PCDHA1: variants seen among roughly 807,000 people sequenced by gnomAD.
The protein encoded by PCDHA1 is protocadherin alpha 1.
PCDHA1 carries 42 observed loss-of-function variants against 61.3 expected under a neutral mutation model. The observed-to-expected ratio is 0.69, with a 90% CI of 0.54 to 0.89. PCDHA1 has a LOEUF of 0.89. Ranked by LOEUF, PCDHA1 falls within the 40% of genes least tolerant of loss-of-function variation. PCDHA1 has a pLI of 0.00. For synonymous variants in PCDHA1, 610 were observed against 553.8 expected, an observed-to-expected ratio of 1.10 and a Z score of -1.43; for missense variants, 1,256 against 1,235.3, an observed-to-expected ratio of 1.02 and a Z score of -0.25.
At chr5:141,002,733 G>T (rs556024108) in intron 3 of PCDHA1, among the ~76,000 whole-genome samples, 1 of 152,314 alleles carries the variant, frequency 6.6e-6, no homozygotes, top group Admixed American at 6.5e-5. Context: ...CACAGTAAAT[G>T]TTAACTACAT....
rs781960813 is a variant in PCDHA1 at position 140,883,266 on chromosome 5, A to C, written c.2394+94582A>C. On this transcript the variant is annotated intron_variant, in intron 1 of 3. Transcript: ENST00000504120. ...AAAGGAAATATTCCAATGGCGGGTCATTGTACCCTTTTGGTGGAAGTACTA... is the reference window on the plus strand; with the variant it reads ...AAAGGAAATATTCCAATGGCGGGTCCTTGTACCCTTTTGGTGGAAGTACTA... 2.7e-5 allele frequency: 43 copies of C among 1,614,082 alleles called. No individual in the cohort carries two copies. In the African/African-American group the frequency reaches 4.7e-4, roughly 18 times the overall value.
intron 1 of PCDHA1, among the ~76,000 whole-genome samples, chr5:140,913,656 T>A (rs2076420236): frequency 6.6e-6 from 1 of 152,152 alleles, no homozygotes; most frequent in African/African-American, 2.4e-5. Context: ...TTCTTTAAGA[T>A]GTATAGTTAG....
chr5:140,941,239 C>CTTTCTTTCTTTCTTTA (rs2092937531), intron 1 of PCDHA1, among the ~76,000 whole-genome samples: 1 of 134,502 alleles, frequency 7.4e-6, no homozygotes, highest in African/African-American at 2.9e-5. Context: ...TTCTTTCTTT[C>CTTTCTTTCTTTCTTTA]TTTCTTTCTT....
intron 1 of PCDHA1, chr5:140,807,658 C>G (rs782754560): frequency 8.7e-6 from 14 of 1,614,204 alleles, no homozygotes; most frequent in East Asian, 2.2e-5. Context: ...TAGAGGGCGC[C>G]TCGGATGCAG....
In PCDHA1 at chr5:140,876,565, G is replaced by C. The variant is rs371696514; in HGVS notation, c.2394+87881G>C. 63 of 1,614,064 alleles carry C rather than the reference G, an allele frequency of 3.9e-5. No homozygotes were observed. In the Middle Eastern group the frequency reaches 4.9e-4, roughly 13 times the overall value. On this transcript the variant is annotated intron_variant, in intron 1 of 3. Transcript: ENST00000504120. ...GCTCCCTGTGCAAGAGGATGCTCAG[G>C]TGGGTACCGTCATTGCCCTGATTAG...
intron 1 of PCDHA1, chr5:140,830,141 G>GC (rs1770847454): frequency 6.2e-7 from 1 of 1,613,282 alleles, no homozygotes; most frequent in East Asian, 2.2e-5. Flanking sequence ...ACGGGCGTCG[G>GC]TGGGCGCCGC....
intron 1 of PCDHA1, among the ~76,000 whole-genome samples, chr5:140,903,405 G>A (rs2070271184): frequency 6.6e-6 from 1 of 152,184 alleles, no homozygotes; most frequent in Non-Finnish European, 1.5e-5. Flanking sequence ...CAGTAGTGCA[G>A]TCAGGAAAAA....
At position 140,802,763 on chromosome 5, in the gene PCDHA1, G is replaced by T. The variant is rs146921578; in HGVS notation, c.2394+14079G>T. On this transcript the variant is annotated intron_variant, in intron 1 of 3. Transcript: ENST00000504120. The stretch of plus-strand genomic sequence containing the variant: ...GCGGCAAGGTGTACGCGCTGCAGCC[G>T]CTGGACCACGAGGAGCTAGAGCTGC... 3.1e-6 allele frequency: 5 copies of T among 1,612,770 alleles called. No individual in the cohort carries two copies. In the African/African-American group the frequency reaches 4.0e-5, roughly 13 times the overall value.
chr5:140,926,745 C>T (rs1344644551), intron 1 of PCDHA1: 3 of 1,219,360 alleles, frequency 2.5e-6, no homozygotes, highest in Non-Finnish European at 3.2e-6. Flanking sequence ...GGCGCAACGT[C>T]GGCGGTCGCT....
intron 1 of PCDHA1, among the ~76,000 whole-genome samples, chr5:140,933,677 T>G (rs1024721491): frequency 6.6e-6 from 1 of 151,826 alleles, no homozygotes; most frequent in African/African-American, 2.4e-5. Flanking sequence ...CTCTCTCACA[T>G]TTTTTTTCCT....
chr5:140,822,864 A>T lies in PCDHA1; in HGVS notation c.2394+34180A>T, dbSNP rs2150119903. ...TCCTGCCTGTCAAAGAGGACGCTCC[A>T]CTCAGCACGGTCATTGCTCTGATCA... is the stretch of plus-strand genomic sequence containing the variant. On this transcript the variant is annotated intron_variant, in intron 1 of 3. Transcript: ENST00000504120. The T allele has an allele frequency of 6.2e-6, 10 of 1,614,160 alleles. No homozygotes were observed. In the East Asian group the frequency reaches 1.6e-4, roughly 25 times the overall value.
chr5:140,869,837 C>A (rs374182289), intron 1 of PCDHA1: 48 of 1,611,366 alleles, frequency 3.0e-5, no homozygotes, highest in Non-Finnish European at 3.6e-5. Flanking sequence ...TTTGATAAAT[C>A]AGAATATAAG....
chr5:141,010,535 C>G lies in PCDHA1; in HGVS notation c.*598C>G, dbSNP rs1423355739. 1 of 386,620 alleles carries G rather than the reference C, an allele frequency of 2.6e-6. No homozygotes were observed. Among genetic ancestry groups the G allele is most frequent in the African/African-American group, 2.0e-5 (1 of 48,880 alleles). 23.9% of individuals were successfully genotyped at this position (386,620 alleles called of 1,614,324 possible). On this transcript the variant is annotated 3_prime_UTR_variant, in exon 4 of 4. Coordinates refer to ENST00000504120, the MANE Select transcript of PCDHA1 (RefSeq NM_018900.4). ...CAACTCAAGAGGTGGCAGCCACCCT[C>G]TAGGAGACAAAACTACCCCCACTGA...
chr5:140,931,304 G>A (rs1218460625), intron 1 of PCDHA1, among the ~76,000 whole-genome samples: 13 of 152,056 alleles, frequency 8.5e-5, no homozygotes, highest in Non-Finnish European at 1.9e-4. Context: ...CAAAAAGAGA[G>A]GAGAATACCA....
intron 1 of PCDHA1, among the ~76,000 whole-genome samples, chr5:140,827,548 A>G (rs1562291088): frequency 1.3e-5 from 2 of 152,142 alleles, no homozygotes; most frequent in African/African-American, 2.4e-5. Context: ...TTTAAGTTAC[A>G]TTTTTTCCCT....
chr5:140,882,420 A>C, intron 1 of PCDHA1: 1 of 1,614,046 alleles, frequency 6.2e-7, no homozygotes, highest in East Asian at 2.2e-5. Context: ...ATCGCTCAGG[A>C]CCTGGGGCTG....
intron 1 of PCDHA1, chr5:140,816,968 GC>G (rs1277276488): frequency 6.6e-6 from 1 of 152,054 alleles, no homozygotes; most frequent in Non-Finnish European, 1.5e-5. Flanking sequence ...AACTTGGACT[GC>G]CCACTAAAAT....
chr5:140,922,098 A>G (rs1193331436), intron 1 of PCDHA1, among the ~76,000 whole-genome samples: 2 of 152,176 alleles, frequency 1.3e-5, no homozygotes, highest in Non-Finnish European at 2.9e-5. Context: ...TCTACCAACT[A>G]TAGATAAATG....
In PCDHA1 at chr5:140,787,122, G is replaced by C. The variant is rs782409216; in HGVS notation, c.832G>C (p.Val278Leu). 18 of 1,614,022 alleles carry C rather than the reference G, an allele frequency of 1.1e-5. No individual in the cohort carries two copies. The highest frequency in any genetic ancestry group is 1.4e-5 in the Non-Finnish European group (16 of 1,180,014). ...DADEGVNGEV[V>L]FSFDSGISRD... ...TGACGAAGGTGTAAATGGTGAAGTC[G>C]TCTTTTCCTTTGACAGTGGTATTTC... Residue 278 changes from valine (V) to leucine (L), a missense_variant, in exon 1 of 4, where the codon GTC becomes CTC. By Grantham distance (32) the Val-to-Leu change is conservative (BLOSUM62 1). Coordinates refer to ENST00000504120, the MANE Select transcript of PCDHA1 (RefSeq NM_018900.4).
Sources: allele counts gnomAD v4.1 joint callset (sites outside exome capture counted in the v4.1 genomes callset), GRCh38; gene constraint gnomAD v4.1.1; transcripts MANE v1.5; gene names NCBI Gene and HGNC (gene_info 2026-07-23, HGNC 2026-07-21).